The following LUZP2 variants were observed in gnomAD, a reference collection of about 807,000 sequenced individuals.
The protein encoded by LUZP2 is leucine zipper protein 2.
In LUZP2, 52 loss-of-function variants were observed where a neutral mutation model predicts 51.6. That is an observed-to-expected ratio of 1.01 (90% CI 0.81 to 1.27). The LOEUF is 1.27. Ranked by LOEUF, LUZP2 falls within the 50% of genes most tolerant of loss-of-function variation. The pLI, the probability that LUZP2 is intolerant of heterozygous loss-of-function variation, is 0.00. For synonymous variants in LUZP2, 154 were observed against 137.3 expected (o/e 1.12, Z -0.85); for missense variants, 436 against 395.4 (o/e 1.10, Z -0.87).
chr11:24,563,618 A>G (rs1852126462), intron 1 of LUZP2, among the ~76,000 whole-genome samples: 1 of 152,100 alleles, frequency 6.6e-6, no homozygotes, highest in Non-Finnish European at 1.5e-5. Flanking sequence ...GATTGTCGGC[A>G]CAGTCATATG....
intron 1 of LUZP2, among the ~76,000 whole-genome samples, chr11:24,572,198 A>G (rs1414527089): frequency 2.0e-5 from 3 of 152,012 alleles, no homozygotes; most frequent in Non-Finnish European, 2.9e-5. Context: ...TCAAATTCCA[A>G]CTATTTTAAA....
chr11:24,568,144 A>G (rs1852302507), intron 1 of LUZP2, among the ~76,000 whole-genome samples: 1 of 152,182 alleles, frequency 6.6e-6, no homozygotes, highest in South Asian at 2.1e-4. Context: ...ATTGCAAAAA[A>G]GTATTAGGAG....
Position 24,602,381 on chromosome 11 carries a change from T to TACACAC in LUZP2, c.62+105077_62+105078insCACACA, listed in dbSNP as rs1354717150. Among the ~76,000 whole-genome samples, 114 of 41,900 alleles carry TACACAC rather than the reference T, an allele frequency of 2.7e-3. 1 individual carries two copies. Among genetic ancestry groups the TACACAC allele is most frequent in the East Asian group, 0.012 (28 of 2,388 alleles). The allele number at this position is 41,900 out of a possible 152,430, so 27.5% of individuals were successfully genotyped here. ...CTTTTAAAGTGTGTGTGTGTATATA[T>TACACAC]ATATATACACACACACACACACACA... is the stretch of plus-strand genomic sequence containing the variant. On this transcript the variant is annotated intron_variant, in intron 1 of 11. Transcript: ENST00000336930.
At chr11:24,918,598 CA>C (rs1414227111) in intron 7 of LUZP2, among the ~76,000 whole-genome samples, 2 of 150,784 alleles carry the variant, frequency 1.3e-5, no homozygotes, top group Non-Finnish European at 3.0e-5. Context: ...AACCCACAGC[CA>C]AAATCATGCT....
intron 5 of LUZP2, among the ~76,000 whole-genome samples, chr11:24,879,198 C>T (rs1467187848): frequency 6.6e-6 from 1 of 152,236 alleles, no homozygotes; most frequent in South Asian, 2.1e-4. Flanking sequence ...CCCGCCTAGG[C>T]CTCCCAAAGT....
intron 5 of LUZP2, among the ~76,000 whole-genome samples, chr11:24,857,276 T>TATATATATATAC (rs1251943904): frequency 9.6e-5 from 9 of 93,288 alleles, no homozygotes; most frequent in Non-Finnish European, 1.4e-4. Flanking sequence ...CATGGGGATA[T>TATATATATATAC]ATATATATAT....
intron 9 of LUZP2, among the ~76,000 whole-genome samples, chr11:25,012,617 A>C (rs893797945): frequency 1.3e-5 from 2 of 152,282 alleles, no homozygotes; most frequent in Non-Finnish European, 2.9e-5. Flanking sequence ...ATTATGAAAA[A>C]AATGCTCAAC....
At chr11:24,613,983 T>C (rs188729633) in intron 1 of LUZP2, among the ~76,000 whole-genome samples, 92 of 152,120 alleles carry the variant, frequency 6.0e-4, no homozygotes, top group African/African-American at 2.1e-3. Context: ...GTGTTCTATT[T>C]ACATTTGTGG....
At position 24,845,211 on chromosome 11, in the gene LUZP2, C is replaced by G. The variant is rs60551041; in HGVS notation, c.397-60780C>G. Among the ~76,000 whole-genome samples, 280 of 152,290 alleles carry G rather than the reference C, an allele frequency of 1.8e-3. 1 individual carries two copies. In the East Asian group the frequency reaches 0.021, roughly 11 times the overall value. On this transcript the variant is annotated intron_variant, in intron 5 of 11. Transcript: ENST00000336930. ...GCTGCCTAAGACCATGGGAACCCAT[C>G]CCTTGCATCAGCGTGATCTGGATAT...
At chr11:24,615,271 T>A (rs1021617829) in intron 1 of LUZP2, among the ~76,000 whole-genome samples, 3 of 151,806 alleles carry the variant, frequency 2.0e-5, no homozygotes, top group Non-Finnish European at 4.4e-5. Flanking sequence ...ATCACAGTGA[T>A]CCTTTTTGCT....
intron 9 of LUZP2, among the ~76,000 whole-genome samples, chr11:25,003,655 G>A (rs1456448467): frequency 6.6e-6 from 1 of 152,104 alleles, no homozygotes; most frequent in Non-Finnish European, 1.5e-5. Flanking sequence ...GGCCTTAAGG[G>A]ATATTGCCTA....
chr11:24,523,448 A>G lies in LUZP2; in HGVS notation c.62+26143A>G, dbSNP rs1402334803. Among the ~76,000 whole-genome samples, 12 of 151,638 alleles carry G rather than the reference A, an allele frequency of 7.9e-5. No individual in the cohort carries two copies. The East Asian group carries it at 2.3e-3, about 29-fold the overall frequency. The stretch of plus-strand genomic sequence containing the variant: ...AGTGAGTTTTAATTATGTTTAGTGA[A>G]TAAACTAATCCATGCTAATTCACTT... On this transcript the variant is annotated intron_variant, in intron 1 of 11. Transcript: ENST00000336930.
chr11:24,649,201 G>A (rs1383605138), intron 1 of LUZP2, among the ~76,000 whole-genome samples: 2 of 151,984 alleles, frequency 1.3e-5, no homozygotes, highest in Non-Finnish European at 2.9e-5. Flanking sequence ...GTTGGTGGAT[G>A]GCCAGAGGGA....
At chr11:25,028,690 GTT>G (rs368130152) in intron 9 of LUZP2, among the ~76,000 whole-genome samples, 14,891 of 144,482 alleles carry the variant, frequency 0.1, 1,807 homozygotes, top group African/African-American at 0.29. Flanking sequence ...TAATTTGCAT[GTT>G]TTTTTTTTTT....
chr11:24,559,942 G>A (rs922959131), intron 1 of LUZP2, among the ~76,000 whole-genome samples: 3 of 152,110 alleles, frequency 2.0e-5, no homozygotes, highest in African/African-American at 7.2e-5. Flanking sequence ...ACTCTTTAGG[G>A]AGGTAGATAA....
chr11:24,661,609 A>G (rs1159782613), intron 1 of LUZP2, among the ~76,000 whole-genome samples: 1 of 152,150 alleles, frequency 6.6e-6, no homozygotes, highest in African/African-American at 2.4e-5. Flanking sequence ...TGTTTCTAGG[A>G]CCACTGAGCT....
intron 7 of LUZP2, 50 bp from the exon 8 acceptor site, chr11:24,976,541 C>G (rs759675888): frequency 7.1e-6 from 9 of 1,258,824 alleles, no homozygotes; most frequent in African/African-American, 1.6e-5. Flanking sequence ...GCTTAAAGTA[C>G]AGAGGGAAAT....
chr11:24,791,729 T>C (rs1041608261), intron 5 of LUZP2, among the ~76,000 whole-genome samples: 3 of 152,150 alleles, frequency 2.0e-5, no homozygotes, highest in Non-Finnish European at 4.4e-5. Context: ...TTTTCTTTTA[T>C]AGGACAGAAG....
chr11:24,959,965 G>A (rs1307882537), intron 7 of LUZP2, among the ~76,000 whole-genome samples: 1 of 152,132 alleles, frequency 6.6e-6, no homozygotes, highest in African/African-American at 2.4e-5. Context: ...CATGAAGGTT[G>A]TTGAATTTTG....
Sources: gnomAD v4.1 joint callset for allele counts (sites outside exome capture counted in the v4.1 genomes callset) on GRCh38, gnomAD v4.1.1 for gene constraint, MANE v1.5 for transcripts, NCBI Gene and HGNC (gene_info 2026-07-23, HGNC 2026-07-21) for gene names.